GLIS1: variants seen among roughly 807,000 people sequenced by gnomAD.
The protein encoded by GLIS1 is zinc finger protein GLIS1.
In GLIS1, 24 loss-of-function variants were observed where a neutral mutation model predicts 63.8. The observed-to-expected ratio is 0.38, with a 90% confidence interval of 0.27 to 0.53. GLIS1 has a LOEUF of 0.53. GLIS1 is among the 20% of genes least tolerant of loss of function. GLIS1 has a pLI of 0.85. For synonymous variants in GLIS1, 450 were observed against 482.5 expected (o/e 0.93, Z 0.88); for missense variants, 1,036 against 1,074.1 (o/e 0.96, Z 0.50).
At chr1:53,654,548 G>A (rs779072558) in intron 2 of GLIS1, among the ~76,000 whole-genome samples, 2 of 152,190 alleles carry the variant, frequency 1.3e-5, no homozygotes, top group Non-Finnish European at 2.9e-5. Context: ...TCAAAGCCAC[G>A]GCCTGGATGA....
intron 2 of GLIS1, among the ~76,000 whole-genome samples, chr1:53,612,326 G>A (rs111816411): frequency 1.3e-4 from 19 of 151,946 alleles, no homozygotes; most frequent in Middle Eastern, 3.4e-3. Context: ...AGCAAGCTCC[G>A]CCTCCCGGGT....
intron 2 of GLIS1, among the ~76,000 whole-genome samples, chr1:53,601,289 A>G (rs1645315186): frequency 6.6e-6 from 1 of 152,224 alleles, no homozygotes; most frequent in Admixed American, 6.5e-5. Context: ...GCAGGGGCAC[A>G]AAGTCTCTAG....
At chr1:53,540,042 T>C (rs1242176797) in intron 4 of GLIS1, among the ~76,000 whole-genome samples, 2 of 152,202 alleles carry the variant, frequency 1.3e-5, no homozygotes, top group African/African-American at 4.8e-5. Context: ...GGCTCAAGCC[T>C]GAGGCCTTCC....
chr1:53,581,467 T>G (rs535013746), intron 4 of GLIS1, among the ~76,000 whole-genome samples: 1 of 152,200 alleles, frequency 6.6e-6, no homozygotes, highest in Non-Finnish European at 1.5e-5. Flanking sequence ...GTTGATCACA[T>G]ATTGTGCATC....
chr1:53,708,328 A>G (rs1646603295), intron 2 of GLIS1, among the ~76,000 whole-genome samples: 1 of 152,068 alleles, frequency 6.6e-6, no homozygotes, highest in Admixed American at 6.6e-5. Flanking sequence ...AGCTTGACAG[A>G]GTGTACTCAG....
At chr1:53,569,417 CA>C (rs1644963549) in intron 4 of GLIS1, among the ~76,000 whole-genome samples, 1 of 151,984 alleles carries the variant, frequency 6.6e-6, no homozygotes, top group Admixed American at 6.6e-5. Flanking sequence ...AGGGTAACTC[CA>C]TGTACCTTCC....
Position 53,506,626 on chromosome 1 carries a change from T to C in GLIS1, c.2381A>G (p.Asp794Gly), listed in dbSNP as rs1644234728. 1.9e-6 allele frequency: 3 copies of C among 1,613,394 alleles called. No individual in the cohort carries two copies. Among genetic ancestry groups the C allele is most frequent in the Non-Finnish European group, 2.5e-6 (3 of 1,179,958 alleles). Residue 794 changes from aspartate to glycine, a missense_variant, in exon 11 of 11, where the codon GAC becomes GGC. Transcript: ENST00000628545. ...GCGCATGTGGGGGCTCCTTCAGGTG[T>C]CTGTGTAGATGGAGGGGATGTGGCC... ...CLGHIPSIYT[D>G]T
At chr1:53,695,601 C>T (rs1237596971) in intron 2 of GLIS1, among the ~76,000 whole-genome samples, 1 of 152,212 alleles carries the variant, frequency 6.6e-6, no homozygotes, top group Non-Finnish European at 1.5e-5. Flanking sequence ...CCCTGGGCCT[C>T]TTCCCTCCAC....
chr1:53,535,365 C>T (rs1644572140), intron 4 of GLIS1, among the ~76,000 whole-genome samples: 1 of 152,056 alleles, frequency 6.6e-6, no homozygotes, highest in African/African-American at 2.4e-5. Context: ...TTCCATCTAC[C>T]TTTACTAAGC....
chr1:53,660,313 G>C (rs1646013489), intron 2 of GLIS1, among the ~76,000 whole-genome samples: 1 of 152,164 alleles, frequency 6.6e-6, no homozygotes, highest in South Asian at 2.1e-4. Flanking sequence ...CAAGGAAGGA[G>C]CTGCTTTCTG....
intron 4 of GLIS1, among the ~76,000 whole-genome samples, chr1:53,536,482 G>A (rs1285297188): frequency 1.3e-5 from 2 of 152,094 alleles, no homozygotes; most frequent in East Asian, 3.8e-4. Flanking sequence ...TGCTGTGTGT[G>A]TTTCATTTAA....
intron 2 of GLIS1, among the ~76,000 whole-genome samples, chr1:53,648,609 C>T (rs544166062): frequency 2.0e-5 from 3 of 152,198 alleles, no homozygotes; most frequent in East Asian, 1.9e-4. Context: ...CACAAATGCT[C>T]GACAGCAGTG....
intron 4 of GLIS1, among the ~76,000 whole-genome samples, chr1:53,552,085 TA>T (rs1370876933): frequency 6.6e-6 from 1 of 151,382 alleles, no homozygotes; most frequent in Non-Finnish European, 1.5e-5. Flanking sequence ...TAAACACACA[TA>T]CCCACTCCCT....
chr1:53,725,222 A>G (rs539340297), intron 2 of GLIS1, among the ~76,000 whole-genome samples: 2 of 152,322 alleles, frequency 1.3e-5, no homozygotes, highest in African/African-American at 4.8e-5. Context: ...CAACAGGTAC[A>G]AGAAAAGGGC....
In GLIS1 at chr1:53,686,871, T is replaced by C. The variant is rs1415850487; in HGVS notation, c.259+50935A>G. Among the ~76,000 whole-genome samples the C allele has an allele frequency of 2.6e-5, 4 of 152,258 alleles. No homozygotes were observed. In the East Asian group the frequency reaches 7.7e-4, roughly 29 times the overall value. On this transcript the variant is annotated intron_variant, in intron 2 of 10. Transcript: ENST00000628545. ...TGTGGCCAGATCACCAAGGGCCTTG[T>C]CCACCATGCTAGGGAGATGGGACTG...
intron 4 of GLIS1, among the ~76,000 whole-genome samples, chr1:53,592,796 C>T (rs1340699563): frequency 2.0e-5 from 3 of 152,284 alleles, no homozygotes; most frequent in Non-Finnish European, 4.4e-5. Context: ...AGGCCATTCA[C>T]TGCTGCTCAC....
intron 8 of GLIS1, among the ~76,000 whole-genome samples, chr1:53,513,105 G>A (rs943026524): frequency 2.6e-5 from 4 of 152,084 alleles, no homozygotes; most frequent in Non-Finnish European, 5.9e-5. Context: ...CACACTCACA[G>A]CCACAATCTT....
chr1:53,604,907 T>C (rs1219363782), intron 2 of GLIS1, among the ~76,000 whole-genome samples: 1 of 55,722 alleles, frequency 1.8e-5, no homozygotes, highest in African/African-American at 3.9e-5. Context: ...AAAAAATATA[T>C]ATATATGTGT....
rs181217017 is a variant in GLIS1 at position 53,641,597 on chromosome 1, G to A, written c.260-41319C>T. On this transcript the variant is annotated intron_variant, in intron 2 of 10. Transcript: ENST00000628545. ...AAATGTGGGTGAAAAACTCTGGCCC[G>A]TGGGTGTGGGGTTGTCACACAGAGA... is the stretch of plus-strand genomic sequence containing the variant. Among the ~76,000 whole-genome samples, 13 of 152,314 alleles carry A rather than the reference G, an allele frequency of 8.5e-5. 1 individual carries two copies. The South Asian group carries it at 1.7e-3, about 19-fold the overall frequency.
Sources: gnomAD v4.1 joint callset for allele counts (sites outside exome capture counted in the v4.1 genomes callset) on GRCh38, gnomAD v4.1.1 for gene constraint, MANE v1.5 for transcripts, NCBI Gene and HGNC (gene_info 2026-07-23, HGNC 2026-07-21) for gene names.